SLC30A8: variants seen among roughly 807,000 people sequenced by gnomAD.
The protein encoded by SLC30A8 is solute carrier family 30 member 8, also known as proton-coupled zinc antiporter SLC30A8.
In SLC30A8, 27 loss-of-function variants were observed where a neutral mutation model predicts 36.9. The observed-to-expected ratio is 0.73, with a 90% CI of 0.54 to 1.01. The LOEUF is 1.01. SLC30A8 is among the 50% of genes least tolerant of loss of function. SLC30A8 has a pLI of 0.00. For synonymous variants in SLC30A8, 164 were observed against 172.4 expected (o/e 0.95, Z 0.38); for missense variants, 439 against 452.0 (o/e 0.97, Z 0.26).
intron 2 of SLC30A8, among the ~76,000 whole-genome samples, chr8:117,073,564 C>G (rs1215722549): frequency 1.3e-5 from 2 of 152,150 alleles, no homozygotes; most frequent in Non-Finnish European, 2.9e-5. Flanking sequence ...CTGGCCGATA[C>G]TTCTTTCTAC....
intron 1 of SLC30A8, among the ~76,000 whole-genome samples, chr8:116,979,424 C>G (rs888788495): frequency 2.6e-5 from 4 of 152,068 alleles, no homozygotes; most frequent in Admixed American, 1.3e-4. Context: ...AGAAATGGAG[C>G]AGGACATCTT....
At chr8:117,093,702 G>T (rs893067827) in intron 2 of SLC30A8, among the ~76,000 whole-genome samples, 37 of 152,100 alleles carry the variant, frequency 2.4e-4, no homozygotes, top group African/African-American at 8.9e-4. Flanking sequence ...GGATTTTTGG[G>T]GTGTTGCTTT....
intron 2 of SLC30A8, among the ~76,000 whole-genome samples, chr8:117,058,150 A>T (rs1817925562): frequency 6.6e-6 from 1 of 152,038 alleles, no homozygotes; most frequent in South Asian, 2.1e-4. Context: ...GATGTTGAGG[A>T]CCTTTTTGTA....
At chr8:117,034,039 A>G (rs950624217) in intron 1 of SLC30A8, among the ~76,000 whole-genome samples, 2 of 152,206 alleles carry the variant, frequency 1.3e-5, no homozygotes, top group East Asian at 1.9e-4. Flanking sequence ...CCAAGGTCAC[A>G]TAGCTAGTTG....
intron 2 of SLC30A8, among the ~76,000 whole-genome samples, chr8:117,123,740 A>G (rs1399661096): frequency 6.6e-6 from 1 of 152,038 alleles, no homozygotes; most frequent in Non-Finnish European, 1.5e-5. Context: ...TAATTTTATA[A>G]CACAATATGT....
At chr8:117,082,427 A>C (rs1818702627) in intron 2 of SLC30A8, among the ~76,000 whole-genome samples, 1 of 152,240 alleles carries the variant, frequency 6.6e-6, no homozygotes, top group South Asian at 2.1e-4. Context: ...GAAGGTATTT[A>C]TTTCTTTTTA....
chr8:117,167,479 G>GTATATATATATATATA (rs1278218526), intron 6 of SLC30A8, among the ~76,000 whole-genome samples: 1 of 122,000 alleles, frequency 8.2e-6, no homozygotes, highest in African/African-American at 2.8e-5. Context: ...TTGTGCATTT[G>GTATATATATATATATA]CATATATATA....
At chr8:116,973,809 C>T (rs1586346368) in intron 1 of SLC30A8, among the ~76,000 whole-genome samples, 1 of 152,164 alleles carries the variant, frequency 6.6e-6, no homozygotes, top group Non-Finnish European at 1.5e-5. Context: ...CTACAGTAAC[C>T]AAAACAGCAT....
intron 2 of SLC30A8, among the ~76,000 whole-genome samples, chr8:117,078,009 TTAAGTCTG>T (rs1818544279): frequency 6.6e-6 from 1 of 152,192 alleles, no homozygotes; most frequent in Admixed American, 6.5e-5. Flanking sequence ...TGATGAAGAT[TTAAGTCTG>T]AATTTTAGAG....
chr8:117,151,104 GT>G (rs1247275736), intron 2 of SLC30A8, among the ~76,000 whole-genome samples: 1 of 152,062 alleles, frequency 6.6e-6, no homozygotes, highest in Non-Finnish European at 1.5e-5. Context: ...TTCCCGAAAA[GT>G]TCTATGTTCT....
chr8:117,029,071 C>T (rs1309009181), intron 1 of SLC30A8, among the ~76,000 whole-genome samples: 1 of 152,154 alleles, frequency 6.6e-6, no homozygotes, highest in Non-Finnish European at 1.5e-5. Flanking sequence ...AAAGGTAAAA[C>T]TTCTGTTTCC....
chr8:117,150,766 C>T (rs891845213), intron 2 of SLC30A8, among the ~76,000 whole-genome samples: 5 of 152,162 alleles, frequency 3.3e-5, no homozygotes, highest in East Asian at 1.9e-4. Context: ...CCACCACGCT[C>T]GGCTAATTTT....
At chr8:117,107,271 A>AT (rs1279539017) in intron 2 of SLC30A8, among the ~76,000 whole-genome samples, 5 of 152,206 alleles carry the variant, frequency 3.3e-5, no homozygotes, top group African/African-American at 1.2e-4. Flanking sequence ...ATAATATCAA[A>AT]GTATTAAATA....
intron 1 of SLC30A8, among the ~76,000 whole-genome samples, chr8:116,955,457 C>T (rs564922970): frequency 2.6e-5 from 4 of 152,062 alleles, no homozygotes; most frequent in Admixed American, 2.0e-4. Context: ...TGGCCGGGTG[C>T]GGTGGCTCAC....
rs541098736 is a variant in SLC30A8 at position 117,021,592 on chromosome 8, C to T, written c.-265-17627C>T. 2.0e-4 allele frequency among the ~76,000 whole-genome samples: 31 copies of T among 152,234 alleles called. No homozygotes were observed. In the South Asian group the frequency reaches 6.2e-3, roughly 31 times the overall value. On this transcript the variant is annotated intron_variant, in intron 1 of 10. Transcript: ENST00000427715. ...ACATTCATCCACATTTTCAAGGCAG[C>T]GTCAGCAAAAACCCAAGCAGGTTTT...
At chr8:117,037,206 C>T (rs1194142704) in intron 1 of SLC30A8, among the ~76,000 whole-genome samples, 1 of 152,138 alleles carries the variant, frequency 6.6e-6, no homozygotes, top group African/African-American at 2.4e-5. Context: ...TCCTAGAAGG[C>T]TGCTGCACAA....
At chr8:117,151,162 T>A (rs961077816) in intron 2 of SLC30A8, among the ~76,000 whole-genome samples, 1 of 152,098 alleles carries the variant, frequency 6.6e-6, no homozygotes, top group Non-Finnish European at 1.5e-5. Context: ...GAAAACCCCT[T>A]CTCTTTTTGC....
At chr8:117,168,743 T>G (rs192838029) in intron 6 of SLC30A8, among the ~76,000 whole-genome samples, 1 of 152,160 alleles carries the variant, frequency 6.6e-6, no homozygotes, top group Non-Finnish European at 1.5e-5. Flanking sequence ...CCCAAAGAGA[T>G]GACACACATT....
At position 117,173,517 on chromosome 8, in the gene SLC30A8, CA is replaced by C. The variant is rs1363059974; in HGVS notation, c.*838del. The stretch of plus-strand genomic sequence containing the variant: ...CAAGAAGGAATAAAGCAGATGCAAC[CA>C]ATTCATTCAGTCCACGAGCATGATG... On this transcript the variant is annotated 3_prime_UTR_variant, in exon 8 of 8. Transcript: ENST00000456015. 1 of 152,118 alleles carries C rather than the reference CA, an allele frequency of 6.6e-6. No homozygotes were observed. The highest frequency in any genetic ancestry group is 1.5e-5 in the Non-Finnish European group (1 of 68,020). 9.4% of individuals were successfully genotyped at this position (152,118 alleles called of 1,614,324 possible).
Sources: allele counts gnomAD v4.1 joint callset (sites outside exome capture counted in the v4.1 genomes callset), GRCh38; gene constraint gnomAD v4.1.1; transcripts MANE v1.5; gene names NCBI Gene and HGNC (gene_info 2026-07-23, HGNC 2026-07-21).